UGP2: variants seen among roughly 807,000 people sequenced by gnomAD.
The protein encoded by UGP2 is UTP--glucose-1-phosphate uridylyltransferase.
Under a neutral mutation model 49.0 loss-of-function variants are expected in UGP2, and 40 were observed. The observed-to-expected ratio is 0.82, with a 90% CI of 0.63 to 1.06. UGP2 has a LOEUF of 1.06. UGP2 is among the 50% of genes least tolerant of loss of function. The pLI, the probability that UGP2 is intolerant of heterozygous loss-of-function variation, is 0.00. For synonymous variants in UGP2, 225 were observed against 213.0 expected (o/e 1.06, Z -0.49); for missense variants, 460 against 603.5 (o/e 0.76, Z 2.49).
chr2:63,861,920 G>T (rs1236104663), intron 3 of UGP2, among the ~76,000 whole-genome samples: 1 of 151,976 alleles, frequency 6.6e-6, no homozygotes, highest in Non-Finnish European at 1.5e-5. Context: ...AACATTAAAA[G>T]CTATTGTTTA....
At chr2:63,872,966 G>A (rs146422505) in intron 3 of UGP2, among the ~76,000 whole-genome samples, 2 of 152,100 alleles carry the variant, frequency 1.3e-5, no homozygotes, top group African/African-American at 2.4e-5. Flanking sequence ...TGAGCTCCAC[G>A]TATTACTGTA....
In UGP2 at chr2:63,885,975, A is replaced by G. The variant is rs1318461698; in HGVS notation, c.873+89A>G. On this transcript the variant is annotated intron_variant, in intron 6 of 9. Transcript: ENST00000337130. ...AAGACTTTTTTATTTGAAAGTTTCT[A>G]TGTTAAACAACACATTTAATATGTT... The G allele has an allele frequency of 7.4e-6, 10 of 1,355,552 alleles. No homozygotes were observed. The East Asian group carries it at 7.6e-5, about 10-fold the overall frequency. 84.0% of individuals were successfully genotyped at this position (1,355,552 alleles called of 1,614,324 possible). A position where few individuals can be genotyped will look rare whatever the true frequency, so the allele number is the denominator to read the frequency against.
At chr2:63,842,587 T>A (rs1458929340) in intron 1 of UGP2, 6 of 1,481,182 alleles carry the variant, frequency 4.1e-6, no homozygotes, top group Non-Finnish European at 2.7e-6. Flanking sequence ...GCGGGAGGAC[T>A]GAGAAAAGCC....
At chr2:63,847,805 G>A (rs912214117) in intron 1 of UGP2, among the ~76,000 whole-genome samples, 1 of 152,184 alleles carries the variant, frequency 6.6e-6, no homozygotes, top group Non-Finnish European at 1.5e-5. Context: ...AGGTGGGGCA[G>A]GGCATATTCA....
At chr2:63,857,006 A>C (rs1669487557) in intron 2 of UGP2, 2 of 364,192 alleles carry the variant, frequency 5.5e-6, no homozygotes, top group Non-Finnish European at 1.1e-5. Context: ...GATATTGGTA[A>C]GTAAGTGTAG....
intron 3 of UGP2, among the ~76,000 whole-genome samples, chr2:63,879,328 A>G (rs191842785): frequency 1.3e-5 from 2 of 152,304 alleles, no homozygotes; most frequent in East Asian, 1.9e-4. Flanking sequence ...ACATTGTTAT[A>G]TATAAAATTA....
In UGP2 at chr2:63,885,676, A is replaced by G; in HGVS notation, c.663A>G (p.Pro221=). The G allele has an allele frequency of 6.8e-6, 11 of 1,613,904 alleles. No individual in the cohort carries two copies. The highest frequency in any genetic ancestry group is 9.3e-6 in the Non-Finnish European group (11 of 1,179,924). ...AAAATACAGAAGCTTGGTACCCTCCAGGTCATGGTGATATTTACGCCAGTT... is the reference window on the plus strand; with the variant it reads ...AAAATACAGAAGCTTGGTACCCTCCGGGTCATGGTGATATTTACGCCAGTT... ...SGENTEAWYP[P]GHGDIYASFY... is the part of the protein sequence containing the mutation. Residue 221 remains proline, a synonymous_variant, in exon 6 of 10, where the codon CCA becomes CCG. Coordinates refer to ENST00000337130, the MANE Select transcript of UGP2 (RefSeq NM_006759.4).
intron 3 of UGP2, among the ~76,000 whole-genome samples, chr2:63,868,545 C>T (rs1171941197): frequency 1.3e-5 from 2 of 151,990 alleles, no homozygotes; most frequent in Non-Finnish European, 2.9e-5. Flanking sequence ...TTATTAAAAC[C>T]GTGTAATGAA....
At chr2:63,884,935 T>C (rs548978633) in intron 5 of UGP2, among the ~76,000 whole-genome samples, 1 of 150,582 alleles carries the variant, frequency 6.6e-6, no homozygotes, top group African/African-American at 2.4e-5. Context: ...AGAAGGACAT[T>C]TCTAAAGTTG....
At chr2:63,841,707 C>G (rs1482953112), upstream of UGP2, 2 of 154,296 alleles carry the variant, frequency 1.3e-5, no homozygotes, top group Non-Finnish European at 2.9e-5. Flanking sequence ...CGCTGTTAAC[C>G]GGGGTTTTCG....
At chr2:63,862,894 A>G (rs1320981983) in intron 3 of UGP2, 1 of 455,724 alleles carries the variant, frequency 2.2e-6, no homozygotes, top group Admixed American at 2.4e-5. Context: ...GTCCTTTACT[A>G]AGGACTTTAC....
Position 63,882,510 on chromosome 2 carries a change from T to C in UGP2, c.300T>C (p.Asn100=), listed in dbSNP as rs1671387705. Residue 100 remains asparagine, a synonymous_variant, in exon 4 of 10, where the codon AAT becomes AAC. Coordinates refer to ENST00000337130, the MANE Select transcript of UGP2 (RefSeq NM_006759.4). ...EKIKARGLPD[N]ISSVLNKLVV... ...TAAAGGCCAGGGGCTTGCCTGATAA[T>C]ATATCTTCCGTGTTGAACAAACTAG... The C allele has an allele frequency of 2.5e-6, 4 of 1,609,958 alleles. No homozygotes were observed. The highest frequency in any genetic ancestry group is 4.5e-5 in the East Asian group (2 of 44,756).
At chr2:63,874,821 C>G (rs570695908) in intron 3 of UGP2, among the ~76,000 whole-genome samples, 22 of 150,336 alleles carry the variant, frequency 1.5e-4, no homozygotes, top group Admixed American at 9.9e-4. Context: ...TTTCTTGCTT[C>G]CCACCATGTG....
intron 3 of UGP2, among the ~76,000 whole-genome samples, chr2:63,879,127 A>G (rs1295666187): frequency 1.3e-5 from 2 of 152,154 alleles, no homozygotes; most frequent in Admixed American, 6.5e-5. Flanking sequence ...TATGAATGTT[A>G]GTATACCAAA....
At chr2:63,876,502 T>C (rs1467681154) in intron 3 of UGP2, among the ~76,000 whole-genome samples, 1 of 152,224 alleles carries the variant, frequency 6.6e-6, no homozygotes, top group African/African-American at 2.4e-5. Context: ...CTTCTTTTTT[T>C]CCTTTCCACA....
At chr2:63,853,451 A>G (rs1477864020) in intron 1 of UGP2, among the ~76,000 whole-genome samples, 2 of 152,028 alleles carry the variant, frequency 1.3e-5, no homozygotes, top group Non-Finnish European at 2.9e-5. Context: ...ATCACAAGTC[A>G]TTTCCCGATT....
intron 1 of UGP2, among the ~76,000 whole-genome samples, chr2:63,845,213 C>T (rs913832219): frequency 5.3e-5 from 8 of 152,096 alleles, no homozygotes; most frequent in African/African-American, 1.9e-4. Flanking sequence ...CCGTTACTAG[C>T]AGGTGATCTT....
At chr2:63,854,654 C>T (rs184880863) in intron 1 of UGP2, among the ~76,000 whole-genome samples, 19 of 152,260 alleles carry the variant, frequency 1.2e-4, no homozygotes, top group East Asian at 3.9e-4. Context: ...ATTTTTTATT[C>T]GTTACAAGCC....
At chr2:63,883,362 A>G (rs959787864) in intron 4 of UGP2, 9 of 151,424 alleles carry the variant, frequency 5.9e-5, no homozygotes, top group African/African-American at 2.2e-4. Flanking sequence ...GATAGTTAGT[A>G]AGTGCAGAAT....
Sources: gnomAD v4.1 joint callset for allele counts (sites outside exome capture counted in the v4.1 genomes callset) on GRCh38, gnomAD v4.1.1 for gene constraint, MANE v1.5 for transcripts, NCBI Gene and HGNC (gene_info 2026-07-23, HGNC 2026-07-21) for gene names.